GNA14: variants seen among roughly 807,000 people sequenced by gnomAD.
GNA14 encodes G protein subunit alpha 14, also known as guanine nucleotide-binding protein subunit alpha-14.
GNA14 carries 50 observed loss-of-function variants against 42.0 expected under a neutral mutation model. That is an observed-to-expected ratio of 1.19 (90% CI 0.95 to 1.51). GNA14 has a LOEUF of 1.51. Ranked by LOEUF, GNA14 falls within the 40% of genes most tolerant of loss-of-function variation. The pLI, the probability that GNA14 is intolerant of heterozygous loss-of-function variation, is 0.00. For missense variants in GNA14, 473 were observed against 446.2 expected (o/e 1.06, Z -0.54); for synonymous variants, 173 against 163.1 (o/e 1.06, Z -0.46).
At chr9:77,537,143 C>T (rs915867124) in intron 1 of GNA14, among the ~76,000 whole-genome samples, 1 of 152,170 alleles carries the variant, frequency 6.6e-6, no homozygotes. Flanking sequence ...ATTATGGTCA[C>T]TCTACTTTGC....
chr9:77,570,257 T>C (rs1216372806), intron 1 of GNA14, among the ~76,000 whole-genome samples: 1 of 152,220 alleles, frequency 6.6e-6, no homozygotes, highest in East Asian at 1.9e-4. Context: ...AGTTTACCCA[T>C]TTAATGTGTA....
chr9:77,611,088 G>C (rs1466693741), intron 1 of GNA14, among the ~76,000 whole-genome samples: 1 of 152,160 alleles, frequency 6.6e-6, no homozygotes, highest in Non-Finnish European at 1.5e-5. Context: ...AGTTACATTT[G>C]TTTTACATTA....
At chr9:77,425,301 G>A (rs1360250625) in intron 6 of GNA14, among the ~76,000 whole-genome samples, 4 of 152,168 alleles carry the variant, frequency 2.6e-5, no homozygotes, top group Non-Finnish European at 5.9e-5. Flanking sequence ...GGAGGCCTTT[G>A]CTGGGTTTTG....
intron 2 of GNA14, among the ~76,000 whole-genome samples, chr9:77,503,028 C>A (rs1220946532): frequency 6.6e-6 from 1 of 152,182 alleles, no homozygotes; most frequent in Non-Finnish European, 1.5e-5. Context: ...CCAGGCAACT[C>A]AACACCGTGT....
chr9:77,633,607 A>AT (rs1290295324), intron 1 of GNA14, among the ~76,000 whole-genome samples: 4 of 152,114 alleles, frequency 2.6e-5, no homozygotes, highest in Admixed American at 6.6e-5. Context: ...GGAATGATAG[A>AT]TAAATTTAGC....
In GNA14 at chr9:77,424,035, C is replaced by G. The variant is rs1207849872; in HGVS notation, c.1012G>C (p.Ala338Pro). 6.2e-7 allele frequency: 1 copy of G among 1,610,738 alleles called. No individual in the cohort carries two copies. The highest frequency in any genetic ancestry group is 2.2e-5 in the East Asian group (1 of 44,696). The change falls in exon 7 of 7, where the codon GCT becomes CCT. Residue 338 changes from alanine (A) to proline (P), a missense_variant. Ala to Pro is a conservative substitution (Grantham distance 27). Coordinates refer to ENST00000341700, the MANE Select transcript of GNA14 (RefSeq NM_004297.4). ...TGTAGAATTGTGTCTTTGACAGCAG[C>G]AAACACAAAGCGAATATTGTCTGTA... ...TDTDNIRFVF[A>P]AVKDTILQLN... is the part of the protein sequence containing the mutation.
At chr9:77,510,849 G>A (rs937391156) in intron 2 of GNA14, among the ~76,000 whole-genome samples, 38 of 152,142 alleles carry the variant, frequency 2.5e-4, no homozygotes, top group African/African-American at 8.4e-4. Context: ...GGGGAAAAGA[G>A]GGAAGACGCT....
intron 1 of GNA14, among the ~76,000 whole-genome samples, chr9:77,579,349 A>G (rs1823179157): frequency 6.6e-6 from 1 of 152,186 alleles, no homozygotes; most frequent in Non-Finnish European, 1.5e-5. Flanking sequence ...GCGTATGTGT[A>G]GGGAAGGGGT....
intron 2 of GNA14, among the ~76,000 whole-genome samples, chr9:77,473,260 C>T (rs1444516357): frequency 6.6e-6 from 1 of 152,114 alleles, no homozygotes; most frequent in East Asian, 1.9e-4. Flanking sequence ...ACTTCAAGAC[C>T]AGCCTGGGCA....
At chr9:77,433,016 A>G (rs908203931) in intron 3 of GNA14, among the ~76,000 whole-genome samples, 19 of 152,236 alleles carry the variant, frequency 1.2e-4, no homozygotes, top group African/African-American at 4.3e-4. Context: ...TTGCATCTAA[A>G]CATTCCTGTA....
intron 1 of GNA14, among the ~76,000 whole-genome samples, chr9:77,579,290 C>A (rs894915688): frequency 6.6e-6 from 1 of 152,170 alleles, no homozygotes; most frequent in African/African-American, 2.4e-5. Flanking sequence ...ACATTGCCAA[C>A]AAACACCCAT....
rs142192828 is a variant in GNA14 at position 77,546,513 on chromosome 9, A to G, written c.125-17260T>C. Reference sequence around the variant, plus strand: ...GGATGTGCTTAGAGTCATTCCAATCATTCTTTAGTAAGCATCCATTGATCG... The same window carrying G: ...GGATGTGCTTAGAGTCATTCCAATCGTTCTTTAGTAAGCATCCATTGATCG... On this transcript the variant is annotated intron_variant, in intron 1 of 6. Coordinates refer to ENST00000341700, the MANE Select transcript of GNA14 (RefSeq NM_004297.4). Among the ~76,000 whole-genome samples the G allele has an allele frequency of 5.6e-3, 845 of 152,150 alleles. 8 individuals carry two copies. Among genetic ancestry groups the G allele is most frequent in the African/African-American group, 0.02 (810 of 41,508 alleles).
At chr9:77,459,577 T>A (rs895348741) in intron 2 of GNA14, among the ~76,000 whole-genome samples, 1 of 152,136 alleles carries the variant, frequency 6.6e-6, no homozygotes, top group African/African-American at 2.4e-5. Context: ...CAGGTCCTCA[T>A]CTCCAAGGTC....
chr9:77,578,141 T>C (rs998114887), intron 1 of GNA14, among the ~76,000 whole-genome samples: 1 of 152,122 alleles, frequency 6.6e-6, no homozygotes, highest in Non-Finnish European at 1.5e-5. Flanking sequence ...CTGGGCGTGG[T>C]GGCACACACC....
chr9:77,600,693 G>A (rs1010525428), intron 1 of GNA14, among the ~76,000 whole-genome samples: 43 of 152,284 alleles, frequency 2.8e-4, no homozygotes, highest in Non-Finnish European at 5.7e-4. Context: ...CGATGTGGTT[G>A]GATCATCTGA....
At chr9:77,438,573 T>C (rs1835676786) in intron 2 of GNA14, among the ~76,000 whole-genome samples, 1 of 152,046 alleles carries the variant, frequency 6.6e-6, no homozygotes, top group Non-Finnish European at 1.5e-5. Context: ...TAGCCGATTT[T>C]TTTTTTTAAA....
At chr9:77,521,185 C>T (rs539387742) in intron 2 of GNA14, among the ~76,000 whole-genome samples, 4 of 152,210 alleles carry the variant, frequency 2.6e-5, no homozygotes, top group Admixed American at 2.6e-4. Flanking sequence ...ACAGGTAGAG[C>T]TCAACAGAGT....
intron 1 of GNA14, among the ~76,000 whole-genome samples, chr9:77,606,337 A>G (rs1783120555): frequency 6.6e-6 from 1 of 152,192 alleles, no homozygotes. Context: ...AAGTATTTCC[A>G]AATCTCCTTA....
At chr9:77,584,428 C>T (rs1385997255) in intron 1 of GNA14, among the ~76,000 whole-genome samples, 1 of 152,180 alleles carries the variant, frequency 6.6e-6, no homozygotes. Flanking sequence ...ATACCACTAG[C>T]TTGCCTTTCC....
Sources: gnomAD v4.1 joint callset for allele counts (sites outside exome capture counted in the v4.1 genomes callset) on GRCh38, gnomAD v4.1.1 for gene constraint, MANE v1.5 for transcripts, NCBI Gene and HGNC (gene_info 2026-07-23, HGNC 2026-07-21) for gene names.